Variants in AGPS observed in about 807,000 individuals in gnomAD.
The protein encoded by AGPS is alkyldihydroxyacetonephosphate synthase, peroxisomal.
AGPS carries 26 observed loss-of-function variants against 90.7 expected under a neutral mutation model. The observed-to-expected ratio is 0.29, with a 90% CI of 0.21 to 0.40. The LOEUF (loss-of-function observed/expected upper bound fraction) is 0.40, where lower values mean the gene tolerates loss of function less well. Ranked by LOEUF, AGPS falls within the 10% of genes least tolerant of loss-of-function variation. The pLI is 1.00. For missense variants in AGPS, 540 were observed against 816.1 expected (o/e 0.66, Z 4.12); for synonymous variants, 294 against 285.3 (o/e 1.03, Z -0.31).
At chr2:177,518,808 G>A (rs1183430698) in intron 17 of AGPS, among the ~76,000 whole-genome samples, 1 of 151,906 alleles carries the variant, frequency 6.6e-6, no homozygotes. Context: ...TGGCTATTGG[G>A]AGTTTCTTTA....
chr2:177,488,199 A>G (rs1224002559), intron 11 of AGPS, among the ~76,000 whole-genome samples: 1 of 151,544 alleles, frequency 6.6e-6, no homozygotes. Flanking sequence ...ATCTTTTTTT[A>G]CATAGCCTTT....
intron 2 of AGPS, among the ~76,000 whole-genome samples, chr2:177,432,294 A>G (rs1686266130): frequency 6.6e-6 from 1 of 152,242 alleles, no homozygotes; most frequent in Non-Finnish European, 1.5e-5. Flanking sequence ...TTTTACAACA[A>G]AAGCCATTTA....
chr2:177,404,125 G>A (rs1191760156), intron 1 of AGPS, among the ~76,000 whole-genome samples: 3 of 152,150 alleles, frequency 2.0e-5, no homozygotes, highest in Non-Finnish European at 2.9e-5. Context: ...CATCATATTT[G>A]AGCAAGTTTG....
At chr2:177,458,184 G>A (rs568575221) in intron 8 of AGPS, among the ~76,000 whole-genome samples, 11 of 152,182 alleles carry the variant, frequency 7.2e-5, no homozygotes, top group East Asian at 3.9e-4. Context: ...TCGATGGAAC[G>A]TATCTCAAAA....
chr2:177,416,892 G>A (rs1685802484), intron 1 of AGPS, among the ~76,000 whole-genome samples: 1 of 152,138 alleles, frequency 6.6e-6, no homozygotes, highest in African/African-American at 2.4e-5. Flanking sequence ...GAATGTCTGA[G>A]ATCATACTGG....
intron 10 of AGPS, among the ~76,000 whole-genome samples, chr2:177,471,394 G>C (rs917648858): frequency 6.6e-6 from 1 of 151,880 alleles, no homozygotes; most frequent in Non-Finnish European, 1.5e-5. Context: ...GTCTTGTTTT[G>C]TGTTATGAAT....
chr2:177,442,307 A>C, intron 6 of AGPS, 100 bp from the exon 7 acceptor site: 1 of 907,200 alleles, frequency 1.1e-6, no homozygotes, highest in Non-Finnish European at 1.8e-6. Flanking sequence ...TCACTTTTCT[A>C]GTGGCCCTAT....
At chr2:177,401,909 C>T (rs1377115414) in intron 1 of AGPS, among the ~76,000 whole-genome samples, 1 of 152,102 alleles carries the variant, frequency 6.6e-6, no homozygotes, top group Non-Finnish European at 1.5e-5. Flanking sequence ...TTGATATCAC[C>T]CAGCCCTGTT....
intron 7 of AGPS, among the ~76,000 whole-genome samples, chr2:177,444,157 A>G: frequency 6.6e-6 from 1 of 152,176 alleles, no homozygotes; most frequent in Admixed American, 6.5e-5. Context: ...GTGGTGGCTC[A>G]CGCCTGTAAT....
chr2:177,461,767 TA>T, intron 8 of AGPS, 125 bp from the exon 9 acceptor site: 4 of 665,612 alleles, frequency 6.0e-6, no homozygotes, highest in Admixed American at 6.8e-5. Flanking sequence ...TTTTTTTTGC[TA>T]TGTAGGAATT....
Position 177,482,191 on chromosome 2 carries a change from A to G in AGPS, c.1233+5A>G, listed in dbSNP as rs370777451. On this transcript the variant is annotated splice_donor_5th_base_variant and intron_variant, in intron 11 of 19. Transcript: ENST00000264167. ...TTAAGAGAAATTGCAAAACAGGTAA[A>G]AGAAAAAATATATATATATACATAC... The G allele has an allele frequency of 3.1e-4, 458 of 1,481,612 alleles. 2 individuals are homozygous for G. The African/African-American group carries it at 6.0e-3, about 19-fold the overall frequency. 91.8% of individuals were successfully genotyped at this position (1,481,612 alleles called of 1,614,324 possible). A position where few individuals can be genotyped will look rare whatever the true frequency, so the allele number is the denominator to read the frequency against.
In AGPS at chr2:177,523,731, G is replaced by A. The variant is rs746713818; in HGVS notation, c.1798-17G>A. 2.5e-6 allele frequency: 4 copies of A among 1,612,556 alleles called. No homozygotes were observed. The East Asian group carries it at 6.7e-5, about 27-fold the overall frequency. Reference sequence around the variant, plus strand: ...AATCTAACTAGCAACAATTTGTTGTGTTGTTTCCAAATACAGGCAGCTGCT... The same window carrying A: ...AATCTAACTAGCAACAATTTGTTGTATTGTTTCCAAATACAGGCAGCTGCT... On this transcript the variant is annotated splice_polypyrimidine_tract_variant and intron_variant, in intron 18 of 19. Transcript: ENST00000264167.
chr2:177,482,322 T>C (rs950462270), intron 11 of AGPS, 136 bp downstream of exon 11: 1 of 466,210 alleles, frequency 2.1e-6, no homozygotes, highest in Non-Finnish European at 3.6e-6. Flanking sequence ...TTGTGGTTTT[T>C]ACCCAGTTCT....
intron 17 of AGPS, among the ~76,000 whole-genome samples, chr2:177,515,119 G>A (rs892795812): frequency 6.6e-6 from 1 of 151,094 alleles, no homozygotes; most frequent in Non-Finnish European, 1.5e-5. Context: ...AGCTAATGTC[G>A]ACATAGTGGG....
intron 17 of AGPS, among the ~76,000 whole-genome samples, chr2:177,516,028 A>G (rs1356880664): frequency 6.6e-6 from 1 of 152,144 alleles, no homozygotes; most frequent in Non-Finnish European, 1.5e-5. Context: ...TATGCTCACT[A>G]CCTGGGTGAT....
intron 10 of AGPS, among the ~76,000 whole-genome samples, chr2:177,480,056 T>C (rs187773403): frequency 6.4e-4 from 97 of 152,224 alleles, no homozygotes; most frequent in African/African-American, 2.1e-3. Flanking sequence ...GGCGCATGTC[T>C]GTAATCCAGC....
At position 177,435,577 on chromosome 2, in the gene AGPS, T is replaced by A. The variant is rs961238730; in HGVS notation, c.441+1160T>A. Among the ~76,000 whole-genome samples, 5 of 151,794 alleles carry A rather than the reference T, an allele frequency of 3.3e-5. No homozygotes were observed. In the South Asian group the frequency reaches 6.2e-4, roughly 19 times the overall value. On this transcript the variant is annotated intron_variant, in intron 3 of 19. Coordinates refer to ENST00000264167, the MANE Select transcript of AGPS (RefSeq NM_003659.4). ...TGGGATAAATTGCACAGGGTCAAAA[T>A]TTTTTTTTCTGTTTAACTCACTGTT...
chr2:177,420,278 T>C lies in AGPS; in HGVS notation c.270T>C (p.Val90=). 6.2e-7 allele frequency: 1 copy of C among 1,606,242 alleles called. No individual in the cohort carries two copies. The highest frequency in any genetic ancestry group is 1.7e-5 in the Admixed American group (1 of 59,946). ...SGTIPKKRQE[V]MKWNGWGYND... ...ATTTTCTTCTCACTAGGCAAGAAGT[T>C]ATGAAATGGAATGGATGGGGATATA... Residue 90 remains valine (V), a synonymous_variant, in exon 2 of 20, where the codon GTT becomes GTC. Coordinates refer to ENST00000264167, the MANE Select transcript of AGPS (RefSeq NM_003659.4).
chr2:177,416,975 A>C (rs1006045884), intron 1 of AGPS, among the ~76,000 whole-genome samples: 1 of 152,194 alleles, frequency 6.6e-6, no homozygotes, highest in Admixed American at 6.5e-5. Flanking sequence ...ATGATTCTTT[A>C]ATCATTCTTC....
Sources: gnomAD v4.1 joint callset for allele counts (sites outside exome capture counted in the v4.1 genomes callset) on GRCh38, gnomAD v4.1.1 for gene constraint, MANE v1.5 for transcripts, NCBI Gene and HGNC (gene_info 2026-07-23, HGNC 2026-07-21) for gene names.